IL1RAPL1: variants seen among roughly 807,000 people sequenced by gnomAD.
The protein encoded by IL1RAPL1 is interleukin 1 receptor accessory protein like 1.
Under a neutral mutation model 48.4 loss-of-function variants are expected in IL1RAPL1, and 3 were observed. The observed-to-expected ratio is 0.06, with a 90% confidence interval of 0.03 to 0.16. IL1RAPL1 has a LOEUF of 0.16. Ranked by LOEUF, IL1RAPL1 falls within the 10% of genes least tolerant of loss-of-function variation. The pLI is 1.00. For synonymous variants in IL1RAPL1, 185 were observed against 187.7 expected (o/e 0.99, Z 0.12); for missense variants, 349 against 530.6 (o/e 0.66, Z 3.36).
rs200536910 is a variant in IL1RAPL1 at position 29,659,037 on chromosome X, GA to G, written c.704-9385del. 8.0e-3 allele frequency among the ~76,000 whole-genome samples: 891 copies of G among 111,051 alleles called. 6 individuals are homozygous for G. Among genetic ancestry groups the G allele is most frequent in the African/African-American group, 0.027 (834 of 30,554 alleles). On this transcript the variant is annotated intron_variant, in intron 5 of 10. Coordinates refer to ENST00000378993, the MANE Select transcript of IL1RAPL1 (RefSeq NM_014271.4). ...ACTAATGTCATTTTTCACAGAAGTAGAAAAAAAATCCTAAAATTCATATGGA... is the reference window on the plus strand; with the variant it reads ...ACTAATGTCATTTTTCACAGAAGTAGAAAAAAATCCTAAAATTCATATGGA...
At position 29,094,486 on chromosome X, in the gene IL1RAPL1, GGT is replaced by G. The variant is rs1460525364; in HGVS notation, c.83-188450_83-188449del. The stretch of plus-strand genomic sequence containing the variant: ...AAAGAAACATCTATTGGCTGGGCAT[GGT>G]GGCTCACGCCTGTAATCCCTGCACT... On this transcript the variant is annotated intron_variant, in intron 2 of 10. Transcript: ENST00000378993. Among the ~76,000 whole-genome samples the G allele has an allele frequency of 3.7e-5, 4 of 107,633 alleles. No homozygotes were observed. In the South Asian group the frequency reaches 1.6e-3, roughly 44 times the overall value. The allele number at this position is 107,633 out of a possible 115,157, so 93.5% of individuals were successfully genotyped here. A position where few individuals can be genotyped will look rare whatever the true frequency, so the allele number is the denominator to read the frequency against.
chrX:29,879,087 CA>C (rs1332461390), intron 6 of IL1RAPL1, among the ~76,000 whole-genome samples: 1 of 111,456 alleles, frequency 9.0e-6, no homozygotes, highest in Non-Finnish European at 1.9e-5. Context: ...AACACCAAAG[CA>C]GACTCTTGAT....
At chrX:29,917,332 C>T (rs1932807195) in intron 6 of IL1RAPL1, 132 bp from the exon 7 acceptor site, 3 of 602,731 alleles carry the variant, frequency 5.0e-6, no homozygotes, top group East Asian at 3.7e-5. Flanking sequence ...TTGAAAATCC[C>T]TGAAAAATTA....
At chrX:29,101,136 C>G in intron 2 of IL1RAPL1, among the ~76,000 whole-genome samples, 1 of 111,326 alleles carries the variant, frequency 9.0e-6, no homozygotes, top group Middle Eastern at 4.7e-3. Context: ...AGAGGGGAAA[C>G]CCAAATAAAT....
rs756635415 is a variant in IL1RAPL1, at chrX:29,836,092, T to G, written c.779-81372T>G. Among the ~76,000 whole-genome samples the G allele has an allele frequency of 3.6e-5, 4 of 110,202 alleles. No individual in the cohort carries two copies. The East Asian group carries it at 1.1e-3, about 31-fold the overall frequency. ...GGTTCCTTGAGGTCCATTGTTAGGT[T>G]GTTGTTCTTTTTCAATGTCAGCATT... On this transcript the variant is annotated intron_variant, in intron 6 of 10. Coordinates refer to ENST00000378993, the MANE Select transcript of IL1RAPL1 (RefSeq NM_014271.4).
At chrX:29,311,809 C>T (rs565387512) in intron 3 of IL1RAPL1, among the ~76,000 whole-genome samples, 3 of 111,614 alleles carry the variant, frequency 2.7e-5, no homozygotes, top group South Asian at 7.6e-4. Context: ...CATTAGGGTA[C>T]ACTTTTCAAA....
rs1306176980 is a variant in IL1RAPL1 at position 28,764,728 on chromosome X, A to C, written c.-24-24592A>C. 2.7e-5 allele frequency among the ~76,000 whole-genome samples: 3 copies of C among 111,110 alleles called. No individual in the cohort carries two copies. In the Admixed American group the frequency reaches 2.9e-4, roughly 11 times the overall value. ...AGTGATCATTTATTAACTTTTTTGC[A>C]TTGTATTTTAGATAATTTCACAGTT... is the stretch of plus-strand genomic sequence containing the variant. On this transcript the variant is annotated intron_variant, in intron 1 of 10. Coordinates refer to ENST00000378993, the MANE Select transcript of IL1RAPL1 (RefSeq NM_014271.4).
rs192049898 is a variant in IL1RAPL1, at chrX:28,853,984, T to C, written c.82+64559T>C. Among the ~76,000 whole-genome samples, 12 of 111,580 alleles carry C rather than the reference T, an allele frequency of 1.1e-4. No individual in the cohort carries two copies. In the East Asian group the frequency reaches 1.7e-3, roughly 16 times the overall value. On this transcript the variant is annotated intron_variant, in intron 2 of 10. Transcript: ENST00000378993. ...AATGGAAGGGCACAAACAGAAGATA[T>C]AGAAGTGTGAAACATGGAGGAACAC...
chrX:29,424,849 G>T (rs965704971), intron 5 of IL1RAPL1, among the ~76,000 whole-genome samples: 1 of 111,729 alleles, frequency 9.0e-6, no homozygotes, highest in Non-Finnish European at 1.9e-5. Flanking sequence ...ACATTATGAA[G>T]GAACGCACTA....
chrX:28,676,107 C>A (rs1353047378), intron 1 of IL1RAPL1, among the ~76,000 whole-genome samples: 1 of 111,810 alleles, frequency 8.9e-6, no homozygotes, highest in African/African-American at 3.2e-5. Context: ...TACTGAAATA[C>A]CTTCAGTGGT....
At chrX:29,912,280 T>A (rs745914385) in intron 6 of IL1RAPL1, among the ~76,000 whole-genome samples, 1 of 111,689 alleles carries the variant, frequency 9.0e-6, no homozygotes, top group Non-Finnish European at 1.9e-5. Flanking sequence ...TGTAGACATG[T>A]AGCCTTTAAT....
chrX:28,741,312 A>T (rs150418997), intron 1 of IL1RAPL1, among the ~76,000 whole-genome samples: 7,058 of 111,213 alleles, frequency 0.063, 439 homozygotes, highest in East Asian at 0.33. Context: ...GCATTTTTTC[A>T]TATGCTTGTT....
intron 5 of IL1RAPL1, among the ~76,000 whole-genome samples, chrX:29,558,478 G>C (rs988146351): frequency 2.7e-5 from 3 of 111,530 alleles, no homozygotes; most frequent in Admixed American, 9.5e-5. Flanking sequence ...AATTTTTCCT[G>C]TTTCATAGGT....
intron 1 of IL1RAPL1, among the ~76,000 whole-genome samples, chrX:28,614,306 C>CTGCATTAAACTAAAATGTCAAA (rs1454051415): frequency 9.0e-6 from 1 of 110,834 alleles, no homozygotes. Context: ...GGTAAAAACA[C>CTGCATTAAACTAAAATGTCAAA]TGCACGGTTC....
intron 6 of IL1RAPL1, among the ~76,000 whole-genome samples, chrX:29,742,546 G>GAA (rs770774009): frequency 0.029 from 2,980 of 102,202 alleles, 100 homozygotes; most frequent in African/African-American, 0.1. Context: ...TAAATGGTGG[G>GAA]AAAAAAAAAA....
chrX:29,381,151 A>T (rs1933692083), intron 3 of IL1RAPL1, among the ~76,000 whole-genome samples: 1 of 110,528 alleles, frequency 9.0e-6, no homozygotes, highest in African/African-American at 3.3e-5. Flanking sequence ...AGTGAGTTAC[A>T]GGTTAAAATA....
intron 2 of IL1RAPL1, among the ~76,000 whole-genome samples, chrX:29,018,992 T>TG (rs754778106): frequency 9.0e-6 from 1 of 111,610 alleles, no homozygotes; most frequent in South Asian, 3.8e-4. Context: ...TCAGGAAACT[T>TG]ACAATCATGG....
chrX:29,604,563 C>G (rs993611122), intron 5 of IL1RAPL1, among the ~76,000 whole-genome samples: 2 of 111,233 alleles, frequency 1.8e-5, no homozygotes, highest in African/African-American at 6.5e-5. Context: ...CACAGCCTTC[C>G]GAGTAGCTGG....
At chrX:28,907,270 T>C (rs920588344) in intron 2 of IL1RAPL1, among the ~76,000 whole-genome samples, 17 of 111,768 alleles carry the variant, frequency 1.5e-4, no homozygotes, top group Non-Finnish European at 3.8e-5. Flanking sequence ...ATTAGTATTT[T>C]TTGAGACAGA....
Sources: gnomAD v4.1 joint callset for allele counts (sites outside exome capture counted in the v4.1 genomes callset) on GRCh38, gnomAD v4.1.1 for gene constraint, MANE v1.5 for transcripts, NCBI Gene and HGNC (gene_info 2026-07-23, HGNC 2026-07-21) for gene names.